The following PCBP3 variants were observed in gnomAD, a reference collection of about 807,000 sequenced individuals.
The protein encoded by PCBP3 is poly(rC) binding protein 3.
Under a neutral mutation model 52.7 loss-of-function variants are expected in PCBP3, and 25 were observed. The observed-to-expected ratio is 0.47, with a 90% CI of 0.35 to 0.66. PCBP3 has a LOEUF of 0.66. Ranked by LOEUF, PCBP3 falls within the 30% of genes least tolerant of loss-of-function variation. The pLI is 0.01. For synonymous variants in PCBP3, 162 were observed against 183.0 expected (o/e 0.89, Z 0.93); for missense variants, 391 against 490.3 (o/e 0.80, Z 1.91).
intron 4 of PCBP3, among the ~76,000 whole-genome samples, chr21:45,814,915 T>TGAGTGGTGAGG: frequency 7.7e-6 from 1 of 129,366 alleles, no homozygotes; most frequent in Admixed American, 7.4e-5. Flanking sequence ...GAGTGGTGAG[T>TGAGTGGTGAGG]GATGAGTGAG....
At chr21:45,719,087 G>A (rs898289232) in intron 2 of PCBP3, among the ~76,000 whole-genome samples, 6 of 152,094 alleles carry the variant, frequency 3.9e-5, no homozygotes, top group Non-Finnish European at 5.9e-5. Context: ...AGAAATTTCC[G>A]TCTTGGGTTA....
intron 4 of PCBP3, among the ~76,000 whole-genome samples, chr21:45,843,250 A>G (rs945498426): frequency 2.7e-5 from 4 of 147,036 alleles, no homozygotes; most frequent in Admixed American, 2.7e-4. Context: ...CATCCTGTCC[A>G]GAACCAGAAG....
At chr21:45,868,948 A>G (rs1250974910) in intron 5 of PCBP3, among the ~76,000 whole-genome samples, 2 of 152,202 alleles carry the variant, frequency 1.3e-5, no homozygotes, top group East Asian at 1.9e-4. Context: ...ACTTCTTCCC[A>G]TTGGAATTCA....
At chr21:45,816,004 G>A (rs1281259014) in intron 4 of PCBP3, among the ~76,000 whole-genome samples, 2 of 126,822 alleles carry the variant, frequency 1.6e-5, no homozygotes, top group South Asian at 3.1e-4. Context: ...GTGGTGAGTG[G>A]TGAGTGAGTG....
At chr21:45,777,202 G>GT (rs2090325540) in intron 4 of PCBP3, among the ~76,000 whole-genome samples, 2 of 151,954 alleles carry the variant, frequency 1.3e-5, no homozygotes, top group Non-Finnish European at 2.9e-5. Flanking sequence ...AGGTTTTTTT[G>GT]TTTTTTGTTT....
At chr21:45,870,240 G>A (rs1242650989) in intron 5 of PCBP3, among the ~76,000 whole-genome samples, 1 of 151,624 alleles carries the variant, frequency 6.6e-6, no homozygotes, top group Non-Finnish European at 1.5e-5. Context: ...GGTTTTAGTT[G>A]CTTTAGCTTA....
intron 4 of PCBP3, among the ~76,000 whole-genome samples, chr21:45,796,601 T>C (rs2091931117): frequency 6.6e-6 from 1 of 152,224 alleles, no homozygotes; most frequent in African/African-American, 2.4e-5. Context: ...TTTTTCTTTC[T>C]ATTCCCACAT....
At chr21:45,644,495 T>C (rs570253622) in intron 1 of PCBP3, among the ~76,000 whole-genome samples, 195 of 138,830 alleles carry the variant, frequency 1.4e-3, no homozygotes, top group African/African-American at 5.0e-3. Context: ...AAGTCTTGTT[T>C]CGTGAAAGAG....
intron 4 of PCBP3, among the ~76,000 whole-genome samples, chr21:45,823,515 G>A (rs897234305): frequency 3.3e-5 from 5 of 152,106 alleles, no homozygotes; most frequent in Non-Finnish European, 1.5e-5. Context: ...AACCACGCGT[G>A]TCCGTTCTTC....
chr21:45,899,376 C>T (rs912502794), intron 6 of PCBP3, among the ~76,000 whole-genome samples: 3 of 152,156 alleles, frequency 2.0e-5, no homozygotes, highest in Admixed American at 6.5e-5. Flanking sequence ...GTCAGGTGGG[C>T]GCCAAGGAAG....
intron 5 of PCBP3, chr21:45,871,517 C>T (rs545561332): frequency 6.6e-6 from 1 of 152,604 alleles, no homozygotes; most frequent in South Asian, 2.1e-4. Flanking sequence ...GGCTTCCTCC[C>T]CCTCCCCTGC....
chr21:45,828,521 C>T (rs1244133458), intron 4 of PCBP3: 1 of 152,266 alleles, frequency 6.6e-6, no homozygotes, highest in South Asian at 2.1e-4. Context: ...GCTGGGCACT[C>T]CTGCAGCCCA....
chr21:45,776,430 G>GTC (rs576250554), intron 4 of PCBP3, among the ~76,000 whole-genome samples: 1 of 151,374 alleles, frequency 6.6e-6, no homozygotes. Flanking sequence ...TTGTACTTGA[G>GTC]TCTCTCTCTC....
chr21:45,877,356 G>A (rs1470475723), intron 5 of PCBP3, among the ~76,000 whole-genome samples: 3 of 152,126 alleles, frequency 2.0e-5, no homozygotes, highest in Non-Finnish European at 4.4e-5. Flanking sequence ...CTGTGTGGCC[G>A]CTGTTTCATT....
At chr21:45,858,391 A>AG (rs2094387534) in intron 5 of PCBP3, 3 of 152,262 alleles carry the variant, frequency 2.0e-5, no homozygotes, top group African/African-American at 7.3e-5. Flanking sequence ...TGGGCGGAGG[A>AG]GGAACGGCTT....
chr21:45,713,207 G>A (rs2083968834), intron 2 of PCBP3, among the ~76,000 whole-genome samples: 1 of 152,152 alleles, frequency 6.6e-6, no homozygotes, highest in South Asian at 2.1e-4. Context: ...CTAAAAAGTT[G>A]TGCTTGGTGT....
At chr21:45,824,093 G>T (rs1041144588) in intron 4 of PCBP3, among the ~76,000 whole-genome samples, 7 of 152,146 alleles carry the variant, frequency 4.6e-5, no homozygotes, top group Non-Finnish European at 8.8e-5. Context: ...GTCTTTAGTT[G>T]ATTTCCAGCA....
intron 15 of PCBP3, among the ~76,000 whole-genome samples, chr21:45,934,107 G>C (rs1212975353): frequency 6.6e-6 from 1 of 152,136 alleles, no homozygotes; most frequent in African/African-American, 2.4e-5. Flanking sequence ...GGGAAGCATG[G>C]GGGTGGGAGG....
At chr21:45,666,994 GT>G (rs2080839454) in intron 1 of PCBP3, among the ~76,000 whole-genome samples, 1 of 151,990 alleles carries the variant, frequency 6.6e-6, no homozygotes, top group African/African-American at 2.4e-5. Context: ...GATCTGGGAG[GT>G]TTTCAATTAT....
Sources: gnomAD v4.1 joint callset for allele counts (sites outside exome capture counted in the v4.1 genomes callset) on GRCh38, gnomAD v4.1.1 for gene constraint, MANE v1.5 for transcripts, NCBI Gene and HGNC (gene_info 2026-07-23, HGNC 2026-07-21) for gene names.